The following GAK variants were observed in gnomAD, a reference collection of about 807,000 sequenced individuals.
GAK encodes cyclin G associated kinase.
GAK carries 79 observed loss-of-function variants against 143.9 expected under a neutral mutation model. The observed-to-expected ratio is 0.55, with a 90% confidence interval of 0.46 to 0.66. The LOEUF (loss-of-function observed/expected upper bound fraction) is 0.66, where lower values mean the gene tolerates loss of function less well. Ranked by LOEUF, GAK falls within the 30% of genes least tolerant of loss-of-function variation. The pLI is 0.00. For missense variants in GAK, 1,693 were observed against 1,779.7 expected (o/e 0.95, Z 0.88); for synonymous variants, 881 against 765.5 (o/e 1.15, Z -2.49).
At position 876,458 on chromosome 4, in the gene GAK, C is replaced by T. The variant is rs1007174307; in HGVS notation, c.2054+72G>A. On this transcript the variant is annotated intron_variant, in intron 18 of 27. Transcript: ENST00000314167. ...GCCACTCCCCCTGGGGCTCCCACGA[C>T]CGGCCCACATGCAGGTGCTGCGGCA... 10 of 1,362,060 alleles carry T rather than the reference C, an allele frequency of 7.3e-6. No homozygotes were observed. The African/African-American group carries it at 1.1e-4, about 16-fold the overall frequency. The allele number at this position is 1,362,060 out of a possible 1,614,324, so 84.4% of individuals were successfully genotyped here.
At chr4:879,537 G>A (rs984186449) in intron 15 of GAK, among the ~76,000 whole-genome samples, 1 of 152,104 alleles carries the variant, frequency 6.6e-6, no homozygotes, top group Non-Finnish European at 1.5e-5. Flanking sequence ...AGAACCTTGC[G>A]GCTGACATCT....
At position 908,573 on chromosome 4, in the gene GAK, G is replaced by A. The variant is rs58605486; in HGVS notation, c.382+3100C>T. On this transcript the variant is annotated intron_variant, in intron 4 of 27. Transcript: ENST00000314167. ...AGTGCTACAGGTGTTGCTTGAGCTC[G>A]CGTGTTCAAGACCGGCCTGGCAACA... Among the ~76,000 whole-genome samples, 486 of 151,400 alleles carry A rather than the reference G, an allele frequency of 3.2e-3. 2 individuals carry two copies. Among genetic ancestry groups the A allele is most frequent in the African/African-American group, 0.011 (469 of 41,282 alleles).
At chr4:911,395 C>CT (rs1260330480) in intron 4 of GAK, among the ~76,000 whole-genome samples, 2 of 152,232 alleles carry the variant, frequency 1.3e-5, no homozygotes, top group African/African-American at 4.8e-5. Flanking sequence ...CGTGCTGCCA[C>CT]TGGAGACAGG....
rs1002966527 is a variant in GAK, at chr4:903,484, G to C, written c.525+1153C>G. On this transcript the variant is annotated intron_variant, in intron 5 of 27. Transcript: ENST00000314167. ...GCCAGGCTTCCTCCCAGCTCCAAGA[G>C]GCCGAACCAGGGAGGCACTGTGGGG... 2.0e-5 allele frequency among the ~76,000 whole-genome samples: 3 copies of C among 152,284 alleles called. No individual in the cohort carries two copies. The Middle Eastern group carries it at 0.01, about 518-fold the overall frequency.
intron 2 of GAK, 54 bp from the exon 3 acceptor site, chr4:912,848 C>T: frequency 6.8e-7 from 1 of 1,478,970 alleles, no homozygotes; most frequent in Non-Finnish European, 9.4e-7. Context: ...CCTTCCTACT[C>T]CACCCGATGC....
At chr4:898,312 C>T (rs1020972992) in intron 5 of GAK, among the ~76,000 whole-genome samples, 154 bp from the exon 6 acceptor site, 2 of 152,192 alleles carry the variant, frequency 1.3e-5, no homozygotes, top group African/African-American at 4.8e-5. Flanking sequence ...CTCACACCTG[C>T]GGACACAGCC....
rs372234424 is a variant in GAK, at chr4:884,071, G to A, written c.1221C>T (p.Asp407=). 2 of 1,613,730 alleles carry A rather than the reference G, an allele frequency of 1.2e-6. No homozygotes were observed. The highest frequency in any genetic ancestry group is 1.7e-6 in the Non-Finnish European group (2 of 1,179,760). Residue 407 remains aspartate (D), a synonymous_variant, in exon 12 of 28, where the codon GAC becomes GAT. Coordinates refer to ENST00000314167, the MANE Select transcript of GAK (RefSeq NM_005255.4). ...IQSVANYAKG[D]LDISYITSRI... is the part of the protein sequence containing the mutation. ...TGGATGTGATGTAAGATATGTCCAG[G>A]TCACCCTTTGCATAACTGGAATTAA...
chr4:897,866 T>C lies in GAK; in HGVS notation c.651+167A>G, dbSNP rs1719104035. The C allele has an allele frequency of 4.5e-6, 3 of 663,394 alleles. No individual in the cohort carries two copies. In the South Asian group the frequency reaches 7.1e-5, roughly 16 times the overall value. 41.1% of individuals were successfully genotyped at this position (663,394 alleles called of 1,614,324 possible). A position where few individuals can be genotyped will look rare whatever the true frequency, so the allele number is the denominator to read the frequency against. ...CGGGAGGCAGAGGCAGAAGAATCGC[T>C]TGAACCCAGGAGGCGGAGGTTGCAG... On this transcript the variant is annotated intron_variant, in intron 6 of 27. Transcript: ENST00000314167.
At chr4:887,275 G>A (rs993597229) in intron 11 of GAK, 3 of 146,176 alleles carry the variant, frequency 2.1e-5, no homozygotes, top group Non-Finnish European at 4.5e-5. Context: ...GCACTCACGT[G>A]TACACATGCA....
At position 901,663 on chromosome 4, in the gene GAK, G is replaced by A. The variant is rs1446040843; in HGVS notation, c.525+2974C>T. ...GCAGCTGGAGGAGCAGCTGAGGCGG[G>A]TGCTGGGAGCAGGATCTGAAACACA... On this transcript the variant is annotated intron_variant, in intron 5 of 27. Transcript: ENST00000314167. 3.3e-5 allele frequency among the ~76,000 whole-genome samples: 5 copies of A among 152,244 alleles called. No individual in the cohort carries two copies. The East Asian group carries it at 9.6e-4, about 29-fold the overall frequency.
At chr4:854,093 C>T (rs1021641606) in intron 24 of GAK, among the ~76,000 whole-genome samples, 4 of 151,708 alleles carry the variant, frequency 2.6e-5, no homozygotes, top group Non-Finnish European at 4.4e-5. Flanking sequence ...CCACCATGCC[C>T]GGCCGTCTCT....
intron 20 of GAK, among the ~76,000 whole-genome samples, chr4:868,167 A>C (rs904883227): frequency 6.6e-6 from 1 of 152,050 alleles, no homozygotes; most frequent in African/African-American, 2.4e-5. Context: ...GGTGTGGGCA[A>C]AGAGAGGTGT....
chr4:856,461 C>T (rs1386717235), intron 24 of GAK, among the ~76,000 whole-genome samples: 1 of 147,980 alleles, frequency 6.8e-6, no homozygotes, highest in Non-Finnish European at 1.5e-5. Flanking sequence ...TACAGCTGCT[C>T]ACCACAGCTG....
At chr4:912,903 A>G in intron 2 of GAK, 109 bp from the exon 3 acceptor site, 1 of 819,556 alleles carries the variant, frequency 1.2e-6, no homozygotes, top group South Asian at 1.9e-5. Flanking sequence ...CAATGTGTCT[A>G]ATACAGCTCC....
In GAK at chr4:877,168, C is replaced by T. The variant is rs748141825; in HGVS notation, c.1896G>A (p.Leu632=). 6.2e-7 allele frequency: 1 copy of T among 1,614,042 alleles called. No homozygotes were observed. Among genetic ancestry groups the T allele is most frequent in the Non-Finnish European group, 8.5e-7 (1 of 1,179,936 alleles). The stretch of plus-strand genomic sequence containing the variant: ...GCACGTCTCCTTGCACCGTGACGCC[C>T]AGGGGAATCACCGCTTTGCCATCTT... ...KIEDGKAVIP[L]GVTVQGDVLI... The change falls in exon 17 of 28, where the codon CTG becomes CTA. Residue 632 remains leucine, a synonymous_variant. Coordinates refer to ENST00000314167, the MANE Select transcript of GAK (RefSeq NM_005255.4).
intron 1 of GAK, among the ~76,000 whole-genome samples, chr4:922,875 T>TA (rs1184040436): frequency 3.3e-5 from 5 of 152,328 alleles, no homozygotes; most frequent in African/African-American, 4.8e-5. Flanking sequence ...GCTTTATCTG[T>TA]AGTAGCCAAA....
At chr4:850,833 AG>A in intron 26 of GAK, 102 bp downstream of exon 26, 4 of 1,295,182 alleles carry the variant, frequency 3.1e-6, no homozygotes, top group Non-Finnish European at 4.2e-6. Context: ...CAGGGGTGAA[AG>A]GTTGCTGTCT....
chr4:866,081 G>A (rs1751112849), intron 22 of GAK, among the ~76,000 whole-genome samples: 1 of 152,264 alleles, frequency 6.6e-6, no homozygotes, highest in Non-Finnish European at 1.5e-5. Context: ...TGGGCCTGAG[G>A]AGGCCTGGAG....
At position 876,293 on chromosome 4, in the gene GAK, G is replaced by A. The variant is rs190358900; in HGVS notation, c.2054+237C>T. Among the ~76,000 whole-genome samples, 19 of 152,354 alleles carry A rather than the reference G, an allele frequency of 1.2e-4. No homozygotes were observed. The East Asian group carries it at 3.7e-3, about 29-fold the overall frequency. On this transcript the variant is annotated intron_variant, in intron 18 of 27. Transcript: ENST00000314167. Reference sequence around the variant, plus strand: ...CTGCTTACGCCACGCCCGGGTGTGAGGGCTAAATTCTAACAGACACACACA... The same window carrying A: ...CTGCTTACGCCACGCCCGGGTGTGAAGGCTAAATTCTAACAGACACACACA...
Sources: gnomAD v4.1 joint callset for allele counts (sites outside exome capture counted in the v4.1 genomes callset) on GRCh38, gnomAD v4.1.1 for gene constraint, MANE v1.5 for transcripts, NCBI Gene and HGNC (gene_info 2026-07-23, HGNC 2026-07-21) for gene names.